DOCK9: variants seen among roughly 807,000 people sequenced by gnomAD.
DOCK9 encodes dedicator of cytokinesis 9.
In DOCK9, 89 loss-of-function variants were observed where a neutral mutation model predicts 263.3. The ratio of observed to expected loss-of-function variants is 0.34; its 90% CI spans 0.28 to 0.40. The LOEUF (loss-of-function observed/expected upper bound fraction) is 0.40, where lower values mean the gene tolerates loss of function less well. DOCK9 is among the 10% of genes least tolerant of loss of function. The pLI is 1.00. For missense variants in DOCK9, 2,140 were observed against 2,603.4 expected (o/e 0.82, Z 3.87); for synonymous variants, 976 against 973.1 (o/e 1.00, Z -0.06).
chr13:98,860,819 G>C (rs6491458), intron 32 of DOCK9, among the ~76,000 whole-genome samples: 146,924 of 152,152 alleles, frequency 0.97, 71,137 homozygotes, highest in East Asian at 1. Flanking sequence ...TCCAGAGCTC[G>C]GACGCCCAAC....
At chr13:98,898,786 T>C (rs1335087148) in intron 13 of DOCK9, among the ~76,000 whole-genome samples, 1 of 152,222 alleles carries the variant, frequency 6.6e-6, no homozygotes, top group African/African-American at 2.4e-5. Flanking sequence ...TGCTATATTC[T>C]TGCTTTCTAA....
At chr13:98,955,092 T>G (rs1199272520) in intron 2 of DOCK9, among the ~76,000 whole-genome samples, 1 of 152,154 alleles carries the variant, frequency 6.6e-6, no homozygotes, top group African/African-American at 2.4e-5. Flanking sequence ...CCAAGGCAGA[T>G]AGATCACTTA....
chr13:98,923,194 G>C, intron 5 of DOCK9, 108 bp downstream of exon 5: 1 of 995,162 alleles, frequency 1.0e-6, no homozygotes, highest in Non-Finnish European at 1.6e-6. Context: ...ACACTCCAAT[G>C]CCTGTTTTGG....
intron 1 of DOCK9, among the ~76,000 whole-genome samples, chr13:99,017,862 G>C (rs1446820033): frequency 6.6e-6 from 1 of 152,112 alleles, no homozygotes; most frequent in Admixed American, 6.6e-5. Flanking sequence ...GGACAAGCTT[G>C]GTCTAAATGG....
chr13:99,028,180 G>A (rs2142046675), intron 1 of DOCK9, among the ~76,000 whole-genome samples: 1 of 152,288 alleles, frequency 6.6e-6, no homozygotes, highest in Middle Eastern at 3.4e-3. Flanking sequence ...CCAGTGAACT[G>A]GAAGGTGAGA....
Position 98,831,880 on chromosome 13 carries a change from T to G in DOCK9, c.4315-94A>C. 5.5e-6 allele frequency: 8 copies of G among 1,446,508 alleles called. No individual in the cohort carries two copies. In the South Asian group the frequency reaches 1.1e-4, roughly 20 times the overall value. The allele number at this position is 1,446,508 out of a possible 1,614,324, so 89.6% of individuals were successfully genotyped here. On this transcript the variant is annotated intron_variant, in intron 39 of 52. Coordinates refer to ENST00000682017, the MANE Select transcript of DOCK9 (RefSeq NM_001366683.2). ...GCTCAAGAATTACATTTTCTAAGTA[T>G]TAAGACAACTTATACTTTAAACAAA...
At chr13:99,085,762 C>T (rs1413154230) in intron 1 of DOCK9, among the ~76,000 whole-genome samples, 1 of 151,792 alleles carries the variant, frequency 6.6e-6, no homozygotes, top group African/African-American at 2.4e-5. Flanking sequence ...GCATCTCCCA[C>T]CCTGAGCGCA....
At chr13:98,938,112 C>A (rs931677681) in intron 2 of DOCK9, among the ~76,000 whole-genome samples, 1 of 152,200 alleles carries the variant, frequency 6.6e-6, no homozygotes, top group African/African-American at 2.4e-5. Flanking sequence ...CCAACCTGGC[C>A]GGGGCTCTGT....
upstream of DOCK9, among the ~76,000 whole-genome samples, chr13:98,978,396 A>G (rs1875893647): frequency 6.6e-6 from 1 of 152,190 alleles, no homozygotes; most frequent in African/African-American, 2.4e-5. Flanking sequence ...GAATGCTTTC[A>G]TTTGTGTTAT....
chr13:98,875,032 T>C (rs563511928), intron 27 of DOCK9, among the ~76,000 whole-genome samples: 3 of 152,294 alleles, frequency 2.0e-5, no homozygotes, highest in Admixed American at 6.5e-5. Context: ...TATCCCTAGA[T>C]TGTGGTATCC....
intron 1 of DOCK9, among the ~76,000 whole-genome samples, chr13:99,085,476 C>A (rs1370376861): frequency 1.3e-5 from 2 of 152,202 alleles, no homozygotes; most frequent in East Asian, 1.9e-4. Context: ...AAAAGTTAAT[C>A]GAAAACTTCA....
chr13:98,989,100 T>C (rs1199194667), intron 1 of DOCK9, among the ~76,000 whole-genome samples: 1 of 152,184 alleles, frequency 6.6e-6, no homozygotes, highest in Non-Finnish European at 1.5e-5. Context: ...CAATCTGCAA[T>C]GTTCGCCCAC....
intron 27 of DOCK9, among the ~76,000 whole-genome samples, chr13:98,879,275 G>C (rs2142557551): frequency 6.6e-6 from 1 of 152,254 alleles, no homozygotes; most frequent in African/African-American, 2.4e-5. Context: ...AGGGGAAGCA[G>C]GGGGGACCCA....
At chr13:98,987,782 A>C (rs1013623655) in intron 1 of DOCK9, among the ~76,000 whole-genome samples, 2 of 152,260 alleles carry the variant, frequency 1.3e-5, no homozygotes, top group Non-Finnish European at 2.9e-5. Context: ...GTTATGTTCC[A>C]AAATTAACAT....
At chr13:98,849,651 A>C (rs2093503757) in intron 36 of DOCK9, among the ~76,000 whole-genome samples, 1 of 152,226 alleles carries the variant, frequency 6.6e-6, no homozygotes, top group Non-Finnish European at 1.5e-5. Flanking sequence ...AAGATGCTAC[A>C]TAAGATTTCA....
intron 38 of DOCK9, among the ~76,000 whole-genome samples, chr13:98,842,832 G>A (rs1300617122): frequency 6.6e-6 from 1 of 152,184 alleles, no homozygotes; most frequent in Non-Finnish European, 1.5e-5. Flanking sequence ...CCTGAGTGAT[G>A]GCCTAAACAA....
rs2051851962 is a variant in DOCK9 at position 98,920,852 on chromosome 13, G to A, written c.717+102C>T. Reference sequence around the variant, plus strand: ...AAGTTATATGTTATATTTCTACCATGCATATTGCCATTTTTGGAAGTGTTT... The same window carrying A: ...AAGTTATATGTTATATTTCTACCATACATATTGCCATTTTTGGAAGTGTTT... On this transcript the variant is annotated intron_variant, in intron 7 of 52. Transcript: ENST00000682017. 5.4e-6 allele frequency: 6 copies of A among 1,102,460 alleles called. No homozygotes were observed. The South Asian group carries it at 1.1e-4, about 19-fold the overall frequency. The allele number at this position is 1,102,460 out of a possible 1,614,324, so 68.3% of individuals were successfully genotyped here.
At chr13:98,832,804 T>TA (rs112452096) in intron 39 of DOCK9, among the ~76,000 whole-genome samples, 12 of 151,494 alleles carry the variant, frequency 7.9e-5, no homozygotes, top group African/African-American at 2.4e-4. Context: ...TTGACATTAA[T>TA]AAAAAAAAAT....
At chr13:99,047,657 T>C (rs1595981389) in intron 1 of DOCK9, among the ~76,000 whole-genome samples, 1 of 151,922 alleles carries the variant, frequency 6.6e-6, no homozygotes, top group East Asian at 1.9e-4. Context: ...TAGCTGGGAC[T>C]ACAGGTGCAC....
Sources: gnomAD v4.1 joint callset for allele counts (sites outside exome capture counted in the v4.1 genomes callset) on GRCh38, gnomAD v4.1.1 for gene constraint, MANE v1.5 for transcripts, NCBI Gene and HGNC (gene_info 2026-07-23, HGNC 2026-07-21) for gene names.